Variants in AFF1 observed in about 807,000 individuals in gnomAD.
The protein encoded by AFF1 is AF4/FMR2 family member 1.
Under a neutral mutation model 121.7 loss-of-function variants are expected in AFF1, and 48 were observed. The ratio of observed to expected loss-of-function variants is 0.39; its 90% CI spans 0.31 to 0.50. AFF1 has a LOEUF of 0.50. AFF1 is among the 20% of genes least tolerant of loss of function. The pLI, the probability that AFF1 is intolerant of heterozygous loss-of-function variation, is 0.76. For synonymous variants in AFF1, 613 were observed against 563.0 expected (o/e 1.09, Z -1.26); for missense variants, 1,523 against 1,511.7 (o/e 1.01, Z -0.12).
At chr4:86,944,905 ATTG>A (rs1441583333) in intron 1 of AFF1, among the ~76,000 whole-genome samples, 1 of 152,178 alleles carries the variant, frequency 6.6e-6, no homozygotes, top group Non-Finnish European at 1.5e-5. Flanking sequence ...TGAATTATGA[ATTG>A]TTTGAGGAAG....
At chr4:86,956,677 T>A (rs549086065) in intron 2 of AFF1, among the ~76,000 whole-genome samples, 1 of 152,322 alleles carries the variant, frequency 6.6e-6, no homozygotes, top group African/African-American at 2.4e-5. Context: ...AATCATACAA[T>A]ATGTTAATTT....
chr4:86,988,779 T>C (rs1447260563), intron 2 of AFF1, among the ~76,000 whole-genome samples: 1 of 152,160 alleles, frequency 6.6e-6, no homozygotes, highest in African/African-American at 2.4e-5. Context: ...TCATGCTGAC[T>C]TCAAACTATA....
Position 87,114,791 on chromosome 4 carries a change from AGAC to A in AFF1, c.1961_1963del (p.Thr654del). 1 of 1,613,008 alleles carries A rather than the reference AGAC, an allele frequency of 6.2e-7. No individual in the cohort carries two copies. Among genetic ancestry groups the A allele is most frequent in the Non-Finnish European group, 8.5e-7 (1 of 1,179,614 alleles). On this transcript the variant is annotated inframe_deletion, in exon 12 of 21. Coordinates refer to ENST00000395146, the MANE Select transcript of AFF1 (RefSeq NM_001166693.3). ...ACTTCCAAAGACAAGCCCAAGGTGA[AGAC>A]GAAAGGACGGCCCCGGGCCGCAGCA... is the stretch of plus-strand genomic sequence containing the variant.
At chr4:87,131,656 G>C (rs1265728431) in intron 17 of AFF1, 137 bp from the exon 18 acceptor site, 6 of 732,684 alleles carry the variant, frequency 8.2e-6, no homozygotes, top group Non-Finnish European at 1.3e-5. Context: ...CTAAAGCCTT[G>C]GGTTTTTAAA....
chr4:86,954,990 C>A (rs777784899), intron 2 of AFF1, among the ~76,000 whole-genome samples: 2 of 152,048 alleles, frequency 1.3e-5, no homozygotes. Context: ...CTTTTACATT[C>A]TTTTCCCATC....
At chr4:86,999,771 A>G (rs1290924666) in intron 2 of AFF1, among the ~76,000 whole-genome samples, 2 of 152,176 alleles carry the variant, frequency 1.3e-5, no homozygotes, top group Non-Finnish European at 2.9e-5. Flanking sequence ...AGAGCCTTTC[A>G]TGGGAGGTGG....
intron 2 of AFF1, among the ~76,000 whole-genome samples, chr4:86,991,834 C>CTTTTTTT: frequency 8.8e-6 from 1 of 113,702 alleles, no homozygotes; most frequent in Non-Finnish European, 1.9e-5. Context: ...CTTCAAATTG[C>CTTTTTTT]TTTTTTTTTT....
chr4:86,969,661 A>C (rs1183689480), intron 2 of AFF1, among the ~76,000 whole-genome samples: 12 of 151,454 alleles, frequency 7.9e-5, no homozygotes, highest in African/African-American at 2.9e-4. Context: ...CAGGCGGATC[A>C]CGAGGTCGGG....
chr4:87,007,765 C>T (rs1030525442), intron 2 of AFF1, among the ~76,000 whole-genome samples: 1 of 152,126 alleles, frequency 6.6e-6, no homozygotes, highest in Non-Finnish European at 1.5e-5. Flanking sequence ...TGTGCGCCTA[C>T]CCCTCGGTTT....
chr4:86,991,166 C>T, intron 2 of AFF1, among the ~76,000 whole-genome samples: 1 of 147,966 alleles, frequency 6.8e-6, no homozygotes, highest in African/African-American at 2.5e-5. Context: ...CAAAAAAAAA[C>T]CGGCGCAGTG....
chr4:87,058,720 T>A (rs1720413160), intron 4 of AFF1, among the ~76,000 whole-genome samples: 1 of 152,166 alleles, frequency 6.6e-6, no homozygotes, highest in Non-Finnish European at 1.5e-5. Context: ...CTCTTGTGTC[T>A]TCTCTAATTA....
At chr4:87,127,513 TCTC>T (rs1728400622) in intron 15 of AFF1, 127 bp from the exon 16 acceptor site, 8 of 801,186 alleles carry the variant, frequency 1.0e-5, no homozygotes, top group South Asian at 5.1e-5. Flanking sequence ...TATTTCCACT[TCTC>T]CTTCTTTGTT....
In AFF1 at chr4:87,086,526, A is replaced by C. The variant is rs115537241; in HGVS notation, c.1104+2362A>C. On this transcript the variant is annotated intron_variant, in intron 5 of 20. Coordinates refer to ENST00000395146, the MANE Select transcript of AFF1 (RefSeq NM_001166693.3). ...CATGCCCATTTATGATTTGGAAATC[A>C]TAACTTGGGAAAGCAAACAGAAGGA... Among the ~76,000 whole-genome samples the C allele has an allele frequency of 4.7e-3, 717 of 152,312 alleles. 4 individuals carry two copies. Among genetic ancestry groups the C allele is most frequent in the Middle Eastern group, 0.017 (5 of 294 alleles).
At chr4:86,951,375 CA>C (rs5860045) in intron 2 of AFF1, among the ~76,000 whole-genome samples, 2 of 147,722 alleles carry the variant, frequency 1.4e-5, no homozygotes, top group Non-Finnish European at 1.5e-5. Context: ...CTTGATGTCA[CA>C]AAAAAAAAAA....
intron 4 of AFF1, among the ~76,000 whole-genome samples, chr4:87,062,155 A>G (rs903284230): frequency 2.6e-5 from 4 of 152,240 alleles, no homozygotes; most frequent in Non-Finnish European, 5.9e-5. Flanking sequence ...TGATGCTGCC[A>G]TAACAAAAGA....
chr4:87,063,186 A>G (rs184407687), intron 4 of AFF1, among the ~76,000 whole-genome samples: 1 of 113,552 alleles, frequency 8.8e-6, no homozygotes, highest in Admixed American at 9.8e-5. Flanking sequence ...TATAGCAGTT[A>G]TTTTAACGTT....
Position 86,982,388 on chromosome 4 carries a change from CTTTTTTTT to C in AFF1, c.38+33839_38+33846del, listed in dbSNP as rs70953632. Among the ~76,000 whole-genome samples, 26 of 58,600 alleles carry C rather than the reference CTTTTTTTT, an allele frequency of 4.4e-4. 1 individual carries two copies. The highest frequency in any genetic ancestry group is 4.6e-4 in the Non-Finnish European group (15 of 32,360). 38.4% of individuals were successfully genotyped at this position (58,600 alleles called of 152,430 possible). On this transcript the variant is annotated intron_variant, in intron 2 of 20. Coordinates refer to ENST00000395146, the MANE Select transcript of AFF1 (RefSeq NM_001166693.3). ...GCGCTGTTCAAAGAAAAAAAATTGG[CTTTTTTTT>C]TTTTTTTTTTTTTTTTTTTTTACAA...
intron 2 of AFF1, among the ~76,000 whole-genome samples, chr4:87,014,219 T>C (rs989323010): frequency 6.6e-6 from 1 of 152,196 alleles, no homozygotes; most frequent in African/African-American, 2.4e-5. Flanking sequence ...GAGCAGGGTA[T>C]TTAATTTACT....
chr4:87,098,088 T>G (rs1725051308), intron 8 of AFF1, among the ~76,000 whole-genome samples: 1 of 152,194 alleles, frequency 6.6e-6, no homozygotes, highest in African/African-American at 2.4e-5. Context: ...TTCAGAGTTA[T>G]GAGGACTTGG....
Sources: gnomAD v4.1 joint callset for allele counts (sites outside exome capture counted in the v4.1 genomes callset) on GRCh38, gnomAD v4.1.1 for gene constraint, MANE v1.5 for transcripts, NCBI Gene and HGNC (gene_info 2026-07-23, HGNC 2026-07-21) for gene names.